Variants in SPATA16 observed in about 807,000 individuals in gnomAD.
SPATA16 encodes the protein spermatogenesis-associated protein 16.
Under a neutral mutation model 63.3 loss-of-function variants are expected in SPATA16, and 36 were observed. That is an observed-to-expected ratio of 0.57 (90% confidence interval 0.44 to 0.75). The LOEUF (loss-of-function observed/expected upper bound fraction) is 0.75, where lower values mean the gene tolerates loss of function less well. Among genes scored for constraint, SPATA16 ranks in the 30% least tolerant of loss-of-function variants. SPATA16 has a pLI of 0.00. For missense variants in SPATA16, 646 were observed against 679.3 expected (o/e 0.95, Z 0.54); for synonymous variants, 203 against 216.7 (o/e 0.94, Z 0.56).
Position 173,001,569 on chromosome 3 carries a change from G to T in SPATA16, c.848+17917C>A, listed in dbSNP as rs560634412. Among the ~76,000 whole-genome samples, 26 of 152,184 alleles carry T rather than the reference G, an allele frequency of 1.7e-4. No individual in the cohort carries two copies. In the East Asian group the frequency reaches 5.0e-3, roughly 29 times the overall value. On this transcript the variant is annotated intron_variant, in intron 4 of 10. Transcript: ENST00000351008. ...AAGCGTCACCTCTCATTTGAATTTG[G>T]TCCTCCAGAAATTTTTAACTCTCAG...
intron 3 of SPATA16, among the ~76,000 whole-genome samples, chr3:173,034,292 A>G (rs1278263881): frequency 3.3e-5 from 5 of 152,158 alleles, no homozygotes; most frequent in Non-Finnish European, 7.4e-5. Context: ...GAACTGAAAT[A>G]TAGTATACTG....
At chr3:173,068,814 A>G (rs1440786284) in intron 2 of SPATA16, among the ~76,000 whole-genome samples, 13 of 121,342 alleles carry the variant, frequency 1.1e-4, no homozygotes, top group Non-Finnish European at 1.8e-4. Context: ...ACCCCAAATT[A>G]GTAAAAAAAA....
At chr3:173,140,715 G>A (rs1189260611) in intron 1 of SPATA16, among the ~76,000 whole-genome samples, 1 of 152,158 alleles carries the variant, frequency 6.6e-6, no homozygotes, top group Non-Finnish European at 1.5e-5. Context: ...TTGACTACAA[G>A]AAGATGTCCT....
intron 1 of SPATA16, among the ~76,000 whole-genome samples, chr3:173,121,682 A>T (rs73030992): frequency 0.052 from 7,917 of 152,298 alleles, 704 homozygotes; most frequent in African/African-American, 0.18. Flanking sequence ...ATAGATGTTG[A>T]TCAATATGAA....
intron 2 of SPATA16, among the ~76,000 whole-genome samples, chr3:173,068,333 A>G (rs1412943580): frequency 2.0e-5 from 3 of 152,242 alleles, no homozygotes; most frequent in African/African-American, 4.8e-5. Flanking sequence ...GACAATAAAA[A>G]GTCAAAAAGT....
chr3:172,952,081 C>T (rs16846315), intron 6 of SPATA16, among the ~76,000 whole-genome samples: 2,367 of 152,014 alleles, frequency 0.016, 72 homozygotes, highest in Admixed American at 0.091. Context: ...TTTCTGTGGG[C>T]GGGTACAAAC....
At chr3:173,064,547 A>C (rs1458767019) in intron 2 of SPATA16, among the ~76,000 whole-genome samples, 1 of 152,184 alleles carries the variant, frequency 6.6e-6, no homozygotes, top group Non-Finnish European at 1.5e-5. Flanking sequence ...AATCTTGTCC[A>C]CACATCTGCA....
chr3:172,913,841 G>A (rs1401222208), intron 9 of SPATA16, 97 bp from the exon 10 acceptor site: 16 of 1,065,716 alleles, frequency 1.5e-5, no homozygotes, highest in Middle Eastern at 2.6e-4. Flanking sequence ...TCATTTGTAC[G>A]CTGATGATTT....
intron 10 of SPATA16, among the ~76,000 whole-genome samples, chr3:172,912,817 T>C (rs1351689258): frequency 6.6e-6 from 1 of 152,152 alleles, no homozygotes; most frequent in Non-Finnish European, 1.5e-5. Flanking sequence ...AAAAGCTAAT[T>C]GTAGATTTTT....
chr3:172,913,990 A>T (rs1435265727), intron 9 of SPATA16, among the ~76,000 whole-genome samples: 1 of 152,196 alleles, frequency 6.6e-6, no homozygotes, highest in Non-Finnish European at 1.5e-5. Flanking sequence ...GTTTTAATGT[A>T]GTAAGTGTTG....
chr3:172,928,662 G>A (rs183875979), intron 6 of SPATA16, among the ~76,000 whole-genome samples: 2 of 152,136 alleles, frequency 1.3e-5, no homozygotes, highest in Admixed American at 6.5e-5. Context: ...GAATAGAAAC[G>A]AGTATCAGTA....
intron 4 of SPATA16, among the ~76,000 whole-genome samples, chr3:173,009,131 T>G (rs531901417): frequency 6.6e-6 from 1 of 152,260 alleles, no homozygotes; most frequent in Admixed American, 6.5e-5. Context: ...TATTTAAAAA[T>G]CGAGGGTTCT....
chr3:172,939,715 G>A (rs1375762774), intron 6 of SPATA16, among the ~76,000 whole-genome samples: 1 of 152,170 alleles, frequency 6.6e-6, no homozygotes, highest in Non-Finnish European at 1.5e-5. Context: ...CTTCTAAAAT[G>A]ACTGAAATTT....
chr3:173,139,453 T>C (rs935378422), intron 1 of SPATA16, among the ~76,000 whole-genome samples: 4 of 152,334 alleles, frequency 2.6e-5, no homozygotes, highest in Admixed American at 2.0e-4. Context: ...TCCAAGAAGA[T>C]GACTCAACAT....
At chr3:173,132,471 T>C (rs1470705587) in intron 1 of SPATA16, among the ~76,000 whole-genome samples, 1 of 152,068 alleles carries the variant, frequency 6.6e-6, no homozygotes, top group Admixed American at 6.6e-5. Flanking sequence ...TAGAAGTAAA[T>C]ATTGACTGTT....
At chr3:173,113,828 A>G (rs1737813235) in intron 2 of SPATA16, among the ~76,000 whole-genome samples, 2 of 152,128 alleles carry the variant, frequency 1.3e-5, no homozygotes, top group Non-Finnish European at 2.9e-5. Flanking sequence ...ACCTTTAACC[A>G]CAACCAGTCC....
At chr3:172,962,054 A>T (rs947792808) in intron 5 of SPATA16, among the ~76,000 whole-genome samples, 140 of 152,140 alleles carry the variant, frequency 9.2e-4, no homozygotes, top group African/African-American at 3.2e-3. Context: ...GGAGTTCGAA[A>T]CCAGCATGGC....
At chr3:172,904,426 A>G (rs1346608094) in intron 10 of SPATA16, among the ~76,000 whole-genome samples, 1 of 152,196 alleles carries the variant, frequency 6.6e-6, no homozygotes, top group African/African-American at 2.4e-5. Flanking sequence ...CTTGTTTAAA[A>G]GTGGCCGAGC....
At chr3:173,099,152 A>G (rs1028255446) in intron 2 of SPATA16, among the ~76,000 whole-genome samples, 6 of 152,168 alleles carry the variant, frequency 3.9e-5, no homozygotes, top group African/African-American at 1.4e-4. Flanking sequence ...CACAATGCCT[A>G]GGTCATTCAC....
Sources: gnomAD v4.1 joint callset for allele counts (sites outside exome capture counted in the v4.1 genomes callset) on GRCh38, gnomAD v4.1.1 for gene constraint, MANE v1.5 for transcripts, NCBI Gene and HGNC (gene_info 2026-07-23, HGNC 2026-07-21) for gene names.